CDKN3: variants seen among roughly 807,000 people sequenced by gnomAD.
CDKN3 encodes the protein cyclin dependent kinase inhibitor 3, also known as cyclin-dependent kinase inhibitor 3.
Under a neutral mutation model 36.1 loss-of-function variants are expected in CDKN3, and 19 were observed. The observed-to-expected ratio is 0.53, with a 90% CI of 0.37 to 0.77. The LOEUF is 0.77. CDKN3 is among the 30% of genes least tolerant of loss of function. The pLI is 0.00. For synonymous variants in CDKN3, 71 were observed against 85.3 expected, an observed-to-expected ratio of 0.83 and a Z score of 0.92; for missense variants, 188 against 248.6, an observed-to-expected ratio of 0.76 and a Z score of 1.64.
At chr14:54,416,576 A>T (rs912109166) in intron 6 of CDKN3, among the ~76,000 whole-genome samples, 2 of 152,124 alleles carry the variant, frequency 1.3e-5, no homozygotes, top group African/African-American at 4.8e-5. Context: ...GCACTTTGGG[A>T]GGCCAAGGCA....
chr14:54,402,810 C>A (rs1306360055), intron 3 of CDKN3, among the ~76,000 whole-genome samples: 1 of 152,136 alleles, frequency 6.6e-6, no homozygotes, highest in Non-Finnish European at 1.5e-5. Context: ...ATAGGGAATC[C>A]TTTCCTAATT....
chr14:54,420,132 T>C lies in CDKN3; in HGVS notation c.*54T>C. The C allele has an allele frequency of 4.9e-6, 5 of 1,017,856 alleles. No homozygotes were observed. The highest frequency in any genetic ancestry group is 7.6e-6 in the Non-Finnish European group (5 of 657,338). The allele number at this position is 1,017,856 out of a possible 1,614,324, so 63.1% of individuals were successfully genotyped here. Reference sequence around the variant, plus strand: ...TGTCTGAAATGTCAGTTCTCTAGCATAATTTGTATTGAAATGAAACCACCA... The same window carrying C: ...TGTCTGAAATGTCAGTTCTCTAGCACAATTTGTATTGAAATGAAACCACCA... On this transcript the variant is annotated 3_prime_UTR_variant, in exon 8 of 8. Coordinates refer to ENST00000335183, the MANE Select transcript of CDKN3 (RefSeq NM_005192.4).
chr14:54,411,193 A>T (rs1376731629), intron 4 of CDKN3: 1 of 297,694 alleles, frequency 3.4e-6, no homozygotes, highest in East Asian at 8.0e-5. Flanking sequence ...AAAAAAAAAA[A>T]AAAAGAGGGG....
rs533606825 is a variant in CDKN3, at chr14:54,400,265, T to C, written c.92+289T>C. 2.2e-3 allele frequency among the ~76,000 whole-genome samples: 327 copies of C among 149,266 alleles called. 2 individuals are homozygous for C. The highest frequency in any genetic ancestry group is 7.5e-3 in the African/African-American group (307 of 40,882). On this transcript the variant is annotated intron_variant, in intron 2 of 7. Coordinates refer to ENST00000335183, the MANE Select transcript of CDKN3 (RefSeq NM_005192.4). ...AAGACCCTTTTTTTTTTTTTGGCCCTTCTACTAACTTAGTAGAAGGAAGTA... is the reference window on the plus strand; with the variant it reads ...AAGACCCTTTTTTTTTTTTTGGCCCCTCTACTAACTTAGTAGAAGGAAGTA...
At chr14:54,413,581 CA>C in intron 5 of CDKN3, 2 of 1,474,294 alleles carry the variant, frequency 1.4e-6, no homozygotes, top group Non-Finnish European at 1.8e-6. Flanking sequence ...AAGCATCTGA[CA>C]ACTGGCATTT....
At position 54,397,198 on chromosome 14, in the gene CDKN3, C is replaced by A; in HGVS notation, c.9+121C>A. 2.6e-6 allele frequency: 3 copies of A among 1,161,046 alleles called. No individual in the cohort carries two copies. In the South Asian group the frequency reaches 5.9e-5, roughly 23 times the overall value. The allele number at this position is 1,161,046 out of a possible 1,614,324, so 71.9% of individuals were successfully genotyped here. Reference sequence around the variant, plus strand: ...GTAGCAGTGCGACTGGCGCCGTAACCGTTCTGCGGGTCGGGGAGGTGACTC... The same window carrying A: ...GTAGCAGTGCGACTGGCGCCGTAACAGTTCTGCGGGTCGGGGAGGTGACTC... On this transcript the variant is annotated intron_variant, in intron 1 of 7. Coordinates refer to ENST00000335183, the MANE Select transcript of CDKN3 (RefSeq NM_005192.4).
At chr14:54,417,212 A>G (rs534702358) in intron 6 of CDKN3, among the ~76,000 whole-genome samples, 3 of 152,358 alleles carry the variant, frequency 2.0e-5, no homozygotes, top group Admixed American at 6.5e-5. Context: ...TGTTTATAGC[A>G]GCATTAATCA....
rs1223526640 is a variant in CDKN3, at chr14:54,411,486, G to T, written c.196G>T (p.Glu66Ter). 1 of 1,612,192 alleles carries T rather than the reference G, an allele frequency of 6.2e-7. No individual in the cohort carries two copies. The highest frequency in any genetic ancestry group is 8.5e-7 in the Non-Finnish European group (1 of 1,179,240). The change falls in exon 5 of 8, where the codon GAA (glutamate) becomes TAA (stop). Residue 66 changes from glutamate (E) to a stop codon, truncating the protein, a stop_gained and splice_region_variant. Coordinates refer to ENST00000335183, the MANE Select transcript of CDKN3 (RefSeq NM_005192.4). LOFTEE classifies it high-confidence loss of function. ...TGTGTATCCTGGTCTATTGGCAGAA[G>T]AACTAAAGAGCTGTGGTATACAAGA... Reference protein sequence around the residue: ...VRRNVQKDTEELKSCGIQDIF... With the variant: ...VRRNVQKDTE
In CDKN3 at chr14:54,411,680, T is replaced by C; in HGVS notation, c.390T>C (p.Leu130=). ...CEIMEELTTC[L]KNYRKTLIHC... ...TAATGGAAGAGCTTACAACCTGCCTTAAAAATTACCGAAAAACCTTAATAC... is the reference window on the plus strand; with the variant it reads ...TAATGGAAGAGCTTACAACCTGCCTCAAAAATTACCGAAAAACCTTAATAC... The change falls in exon 5 of 8, where the codon CTT becomes CTC. Residue 130 remains leucine (L), a synonymous_variant. Transcript: ENST00000335183. The C allele has an allele frequency of 1.2e-6, 2 of 1,612,618 alleles. No individual in the cohort carries two copies.
chr14:54,413,512 G>A (rs1229795450), intron 5 of CDKN3: 2 of 882,720 alleles, frequency 2.3e-6, no homozygotes, highest in African/African-American at 3.3e-5. Flanking sequence ...AGTACAAACA[G>A]GATAGACAGT....
rs1053274210 is a variant in CDKN3, at chr14:54,420,142, T to C, written c.*64T>C. The C allele has an allele frequency of 4.4e-5, 41 of 938,986 alleles. No homozygotes were observed. The highest frequency in any genetic ancestry group is 1.0e-5 in the Non-Finnish European group (6 of 593,654). The allele number at this position is 938,986 out of a possible 1,614,324, so 58.2% of individuals were successfully genotyped here. A position where few individuals can be genotyped will look rare whatever the true frequency, so the allele number is the denominator to read the frequency against. ...GTCAGTTCTCTAGCATAATTTGTAT[T>C]GAAATGAAACCACCAGTGTTATCAA... On this transcript the variant is annotated 3_prime_UTR_variant, in exon 8 of 8. Coordinates refer to ENST00000335183, the MANE Select transcript of CDKN3 (RefSeq NM_005192.4).
At position 54,406,742 on chromosome 14, in the gene CDKN3, A is replaced by G. The variant is rs539840671; in HGVS notation, c.149-2003A>G. On this transcript the variant is annotated intron_variant, in intron 3 of 7. Coordinates refer to ENST00000335183, the MANE Select transcript of CDKN3 (RefSeq NM_005192.4). ...GTTATTATAGTTAGCAGTTCCTCTA[A>G]CCTTTTATCAAGTTTCTTAGTTTCC... Among the ~76,000 whole-genome samples, 10 of 151,788 alleles carry G rather than the reference A, an allele frequency of 6.6e-5. No individual in the cohort carries two copies. The East Asian group carries it at 1.6e-3, about 24-fold the overall frequency.
chr14:54,410,943 C>T (rs1594605612), intron 4 of CDKN3, among the ~76,000 whole-genome samples: 2 of 151,936 alleles, frequency 1.3e-5, no homozygotes, highest in Admixed American at 6.6e-5. Context: ...CTTTGGGAGG[C>T]GGAGGCGGGC....
Position 54,400,969 on chromosome 14 carries a change from A to G in CDKN3, c.93-555A>G, listed in dbSNP as rs150370328. ...AAAAATCTTAAAATAGTAATGTAGA[A>G]TAAATGCTGGGGAGAAAATTGTCCA... On this transcript the variant is annotated intron_variant, in intron 2 of 7. Transcript: ENST00000335183. 2.9e-3 allele frequency among the ~76,000 whole-genome samples: 447 copies of G among 152,370 alleles called. 2 individuals carry two copies. The highest frequency in any genetic ancestry group is 0.01 in the African/African-American group (425 of 41,584).
rs561113698 is a variant in CDKN3 at position 54,415,300 on chromosome 14, G to T, written c.417-599G>T. ...GTCCTTGGCAAATGCTCACTCATTT[G>T]TGAGCCTCATTTAATCCTCACTCTG... On this transcript the variant is annotated intron_variant, in intron 5 of 7. Transcript: ENST00000335183. 4.6e-5 allele frequency among the ~76,000 whole-genome samples: 7 copies of T among 152,318 alleles called. 1 individual carries two copies. In the East Asian group the frequency reaches 1.3e-3, roughly 29 times the overall value.
At chr14:54,401,086 C>T (rs572496488) in intron 2 of CDKN3, among the ~76,000 whole-genome samples, 5 of 152,250 alleles carry the variant, frequency 3.3e-5, no homozygotes, top group African/African-American at 9.6e-5. Flanking sequence ...CGTATACTAC[C>T]GGTTGGCAAT....
intron 5 of CDKN3, 93 bp downstream of exon 5, chr14:54,411,799 A>C: frequency 1.2e-6 from 1 of 819,108 alleles, no homozygotes; most frequent in Non-Finnish European, 2.1e-6. Context: ...CACCTACTTC[A>C]TAGTTTGTTG....
chr14:54,398,466 C>T (rs1324742362), intron 1 of CDKN3, among the ~76,000 whole-genome samples: 2 of 152,232 alleles, frequency 1.3e-5, no homozygotes, highest in African/African-American at 2.4e-5. Context: ...GAGCCCCAGA[C>T]TGTCCATGGC....
At chr14:54,403,883 A>C (rs2139970992) in intron 3 of CDKN3, among the ~76,000 whole-genome samples, 1 of 152,336 alleles carries the variant, frequency 6.6e-6, no homozygotes, top group South Asian at 2.1e-4. Context: ...CCCAGGGATG[A>C]AGCTGACTTG....
Sources: gnomAD v4.1 joint callset for allele counts (sites outside exome capture counted in the v4.1 genomes callset) on GRCh38, gnomAD v4.1.1 for gene constraint, MANE v1.5 for transcripts, NCBI Gene and HGNC (gene_info 2026-07-23, HGNC 2026-07-21) for gene names.